SNAP23: variants seen among roughly 807,000 people sequenced by gnomAD.
SNAP23 encodes the protein synaptosome associated protein 23.
In SNAP23, 11 loss-of-function variants were observed where a neutral mutation model predicts 29.0. The ratio of observed to expected loss-of-function variants is 0.38; its 90% CI spans 0.24 to 0.63. The LOEUF is 0.63. Among genes scored for constraint, SNAP23 ranks in the 20% least tolerant of loss-of-function variants. SNAP23 has a pLI of 0.58. For missense variants in SNAP23, 220 were observed against 253.9 expected (o/e 0.87, Z 0.91); for synonymous variants, 60 against 82.9 (o/e 0.72, Z 1.50).
intron 2 of SNAP23, 134 bp from the exon 3 acceptor site, chr15:42,512,821 A>C: frequency 1.5e-6 from 1 of 652,534 alleles, no homozygotes; most frequent in Non-Finnish European, 2.7e-6. Context: ...AAGTGCTGGG[A>C]TTATAGGCAT....
At chr15:42,509,256 A>G (rs1358052805) in intron 1 of SNAP23, among the ~76,000 whole-genome samples, 4 of 152,210 alleles carry the variant, frequency 2.6e-5, no homozygotes, top group Non-Finnish European at 5.9e-5. Flanking sequence ...TTAGCAAATT[A>G]ATAAAATACC....
Position 42,512,964 on chromosome 15 carries a change from A to G in SNAP23, c.67A>G (p.Ser23Gly). 1.2e-6 allele frequency: 2 copies of G among 1,611,754 alleles called. No homozygotes were observed. Among genetic ancestry groups the G allele is most frequent in the Non-Finnish European group, 8.5e-7 (1 of 1,177,972 alleles). Residue 23 changes from serine (S) to glycine (G), a missense_variant, in exon 3 of 8, where the codon AGT becomes GGT. Ser to Gly is a moderately conservative substitution (Grantham distance 56). Coordinates refer to ENST00000249647, the MANE Select transcript of SNAP23 (RefSeq NM_003825.4). ...CTGTGTTCTTTCCTAGTCTCTGGAAAGTACGAGGAGAATCCTGGGTTTAGC... is the reference window on the plus strand; with the variant it reads ...CTGTGTTCTTTCCTAGTCTCTGGAAGGTACGAGGAGAATCCTGGGTTTAGC... The part of the protein sequence containing the change: ...AHQITDESLE[S>G]TRRILGLAIE...
chr15:42,523,370 A>G (rs2057466939), intron 5 of SNAP23, among the ~76,000 whole-genome samples: 1 of 152,200 alleles, frequency 6.6e-6, no homozygotes, highest in Non-Finnish European at 1.5e-5. Flanking sequence ...CCTGTCACAG[A>G]TTAGAACTAT....
chr15:42,515,022 A>G (rs1361345767), intron 4 of SNAP23, among the ~76,000 whole-genome samples: 1 of 152,088 alleles, frequency 6.6e-6, no homozygotes. Context: ...TTTTAGAACA[A>G]ATTTTTCCAC....
At chr15:42,513,507 A>C (rs1363162453) in intron 4 of SNAP23, 60 bp downstream of exon 4, 1 of 1,352,156 alleles carries the variant, frequency 7.4e-7, no homozygotes, top group East Asian at 2.3e-5. Context: ...AGCCCTATCA[A>C]ATTAGCCACA....
chr15:42,504,349 T>C (rs1478417105), intron 1 of SNAP23, among the ~76,000 whole-genome samples: 1 of 151,570 alleles, frequency 6.6e-6, no homozygotes, highest in African/African-American at 2.4e-5. Context: ...TCAAATAAAA[T>C]AAAGTAAAAT....
chr15:42,498,784 A>T (rs58562675), intron 1 of SNAP23, among the ~76,000 whole-genome samples: 7,242 of 152,278 alleles, frequency 0.048, 575 homozygotes, highest in African/African-American at 0.16. Context: ...CAAATAAGAG[A>T]AACACCTTAC....
chr15:42,521,529 T>C, intron 5 of SNAP23: 2 of 1,493,492 alleles, frequency 1.3e-6, no homozygotes, highest in Non-Finnish European at 1.8e-6. Flanking sequence ...CCTGCTTCTG[T>C]TCTGTTTGAC....
In SNAP23 at chr15:42,528,365, A is replaced by C; in HGVS notation, c.370A>C (p.Asn124His). 2 of 1,614,120 alleles carry C rather than the reference A, an allele frequency of 1.2e-6. No homozygotes were observed. The highest frequency in any genetic ancestry group is 3.3e-5 in the Admixed American group (2 of 60,012). ...VVSKQPGPVTNGQLQQPTTGA... is the reference protein window; with the variant it reads ...VVSKQPGPVTHGQLQQPTTGA... ...ATCTAAACAGCCAGGCCCGGTGACA[A>C]ATGGTCAGCTTCAGCAACCAACAAC... The change falls in exon 6 of 8, where the codon AAT (asparagine) becomes CAT (histidine). Residue 124 changes from asparagine to histidine, a missense_variant. By Grantham distance (68) the Asn-to-His change is moderately conservative. Transcript: ENST00000249647.
At chr15:42,514,790 A>G (rs1245692161) in intron 4 of SNAP23, among the ~76,000 whole-genome samples, 1 of 151,004 alleles carries the variant, frequency 6.6e-6, no homozygotes, top group Non-Finnish European at 1.5e-5. Context: ...GCAACCTCCA[A>G]CTGCCGGGTT....
rs376933420 is a variant in SNAP23 at position 42,531,393 on chromosome 15, A to G, written c.571-20A>G. ...TAGAGTTACTTACCTTGTAAAGCTGATATCTTTCTTGTTTTTCAGGCTGAC... is the reference window on the plus strand; with the variant it reads ...TAGAGTTACTTACCTTGTAAAGCTGGTATCTTTCTTGTTTTTCAGGCTGAC... On this transcript the variant is annotated intron_variant, in intron 7 of 7. Transcript: ENST00000249647. 7.9e-6 allele frequency: 12 copies of G among 1,516,326 alleles called. No individual in the cohort carries two copies. The highest frequency in any genetic ancestry group is 5.6e-5 in the African/African-American group (4 of 70,910). 93.9% of individuals were successfully genotyped at this position (1,516,326 alleles called of 1,614,324 possible).
intron 2 of SNAP23, chr15:42,512,111 T>A (rs774080562): frequency 4.6e-5 from 15 of 329,298 alleles, no homozygotes; most frequent in Non-Finnish European, 7.7e-5. Flanking sequence ...TTTTTATTTT[T>A]TAGGTAATTA....
At position 42,529,684 on chromosome 15, in the gene SNAP23, T is replaced by C. The variant is rs2057543043; in HGVS notation, c.435T>C (p.Asn145=). ...TGTCTTCTTGTGATAGCATAACTAA[T>C]GATGCCAGAGAAGATGAAATGGAAG... ...ASGGYIKRIT[N]DAREDEMEEN... is the part of the protein sequence containing the mutation. Residue 145 remains asparagine (N), a synonymous_variant, in exon 7 of 8, where the codon AAT becomes AAC. Coordinates refer to ENST00000249647, the MANE Select transcript of SNAP23 (RefSeq NM_003825.4). 3 of 1,613,542 alleles carry C rather than the reference T, an allele frequency of 1.9e-6. No individual in the cohort carries two copies. The highest frequency in any genetic ancestry group is 3.3e-5 in the Admixed American group (2 of 59,840).
chr15:42,494,089 C>T (rs2057195188), upstream of SNAP23, among the ~76,000 whole-genome samples: 1 of 152,086 alleles, frequency 6.6e-6, no homozygotes, highest in African/African-American at 2.4e-5. Flanking sequence ...CTACCATGCT[C>T]AAGTTTCTCC....
At chr15:42,521,461 G>A in intron 5 of SNAP23, 10 of 982,456 alleles carry the variant, frequency 1.0e-5, no homozygotes, top group Non-Finnish European at 1.1e-5. Context: ...CTCAGATGTT[G>A]GTTGTTTCTA....
intron 5 of SNAP23, among the ~76,000 whole-genome samples, chr15:42,517,232 T>A (rs894706060): frequency 1.3e-5 from 2 of 152,208 alleles, no homozygotes; most frequent in African/African-American, 4.8e-5. Flanking sequence ...AAGTTCATAT[T>A]TTAATAACTA....
chr15:42,521,289 A>G (rs1156897841), intron 5 of SNAP23, among the ~76,000 whole-genome samples: 1 of 152,230 alleles, frequency 6.6e-6, no homozygotes, highest in African/African-American at 2.4e-5. Context: ...ATTAAGAGAA[A>G]TCTTAATCAC....
chr15:42,532,863 CTCTT>C lies in SNAP23; in HGVS notation c.*1389_*1392del, dbSNP rs2057579489. The C allele has an allele frequency of 6.6e-6, 1 of 152,648 alleles. No individual in the cohort carries two copies. Among genetic ancestry groups the C allele is most frequent in the Non-Finnish European group, 1.5e-5 (1 of 68,028 alleles). 9.5% of individuals were successfully genotyped at this position (152,648 alleles called of 1,614,324 possible). A position where few individuals can be genotyped will look rare whatever the true frequency, so the allele number is the denominator to read the frequency against. The stretch of plus-strand genomic sequence containing the variant: ...TGGTTTAATTATTGGTGATTACACA[CTCTT>C]TCTCTTACCCTTGTGTATTGAACTA... On this transcript the variant is annotated 3_prime_UTR_variant, in exon 8 of 8. Transcript: ENST00000249647.
chr15:42,509,354 C>T (rs968336934), intron 1 of SNAP23, among the ~76,000 whole-genome samples: 1 of 151,622 alleles, frequency 6.6e-6, no homozygotes, highest in Non-Finnish European at 1.5e-5. Context: ...GAAGCACAGT[C>T]TATGGCAAGC....
Sources: allele counts gnomAD v4.1 joint callset (sites outside exome capture counted in the v4.1 genomes callset), GRCh38; gene constraint gnomAD v4.1.1; transcripts MANE v1.5; gene names NCBI Gene and HGNC (gene_info 2026-07-23, HGNC 2026-07-21).